YIPF4: variants seen among roughly 807,000 people sequenced by gnomAD.
The protein encoded by YIPF4 is Yip1 domain family member 4.
YIPF4 carries 18 observed loss-of-function variants against 29.4 expected under a neutral mutation model. The ratio of observed to expected loss-of-function variants is 0.61; its 90% CI spans 0.42 to 0.91. The LOEUF (loss-of-function observed/expected upper bound fraction) is 0.91, where lower values mean the gene tolerates loss of function less well. Among genes scored for constraint, YIPF4 ranks in the 40% least tolerant of loss-of-function variants. The probability of loss-of-function intolerance (pLI) is 0.00; values close to 1 mark genes in which losing one functional copy is unlikely to be tolerated. For missense variants in YIPF4, 279 were observed against 282.7 expected (o/e 0.99, Z 0.09); for synonymous variants, 115 against 104.7 (o/e 1.10, Z -0.60).
intron 1 of YIPF4, among the ~76,000 whole-genome samples, chr2:32,287,824 T>A (rs1280075996): frequency 1.3e-5 from 2 of 152,224 alleles, no homozygotes; most frequent in Non-Finnish European, 2.9e-5. Flanking sequence ...ATAGATTTTT[T>A]AAAAGATTGT....
chr2:32,291,426 C>T (rs1014536936), intron 2 of YIPF4, among the ~76,000 whole-genome samples: 11 of 152,134 alleles, frequency 7.2e-5, no homozygotes, highest in African/African-American at 2.7e-4. Context: ...GGCCTGTAGT[C>T]CCAGCTGCTC....
rs72798734 is a variant in YIPF4 at position 32,291,642 on chromosome 2, G to C, written c.234-535G>C. ...ATTAATTAAACAGAAAAGTGCGTAA[G>C]ACGGCATAAAGCTGGGACATCAAAG... On this transcript the variant is annotated intron_variant, in intron 2 of 5. Coordinates refer to ENST00000238831, the MANE Select transcript of YIPF4 (RefSeq NM_032312.4). Among the ~76,000 whole-genome samples, 1,266 of 152,318 alleles carry C rather than the reference G, an allele frequency of 8.3e-3. 14 individuals carry two copies. Among genetic ancestry groups the C allele is most frequent in the Non-Finnish European group, 0.015 (1,049 of 68,034 alleles).
At position 32,316,342 on chromosome 2, in the gene YIPF4, C is replaced by G. The variant is rs2031832896; in HGVS notation, c.*10716C>G. On this transcript the variant is annotated 3_prime_UTR_variant, in exon 6 of 6. Coordinates refer to ENST00000238831, the MANE Select transcript of YIPF4 (RefSeq NM_032312.4). ...TTCAAGGGGAGGGTAAAAAGACCAA[C>G]TAATATATGTAAAGATGCACAAATT... 6.6e-6 allele frequency: 1 copy of G among 152,088 alleles called. No homozygotes were observed. Among genetic ancestry groups the G allele is most frequent in the Non-Finnish European group, 1.5e-5 (1 of 68,018 alleles). The allele number at this position is 152,088 out of a possible 1,614,324, so 9.4% of individuals were successfully genotyped here.
Position 32,278,176 on chromosome 2 carries a change from C to T in YIPF4, c.21C>T (p.Pro7=), listed in dbSNP as rs748041592. ...GCGAGATGCAGCCTCCGGGCCCGCC[C>T]CCGGCCTATGCCCCCACTAACGGGG... is the stretch of plus-strand genomic sequence containing the variant. MQPPGP[P]PAYAPTNGDF... is the part of the protein sequence containing the mutation. The change falls in exon 1 of 6, where the codon CCC becomes CCT. Residue 7 remains proline (P), a synonymous_variant. Transcript: ENST00000238831. 5.7e-6 allele frequency: 9 copies of T among 1,570,484 alleles called. 1 individual carries two copies. The highest frequency in any genetic ancestry group is 3.5e-5 in the South Asian group (3 of 85,734).
In YIPF4 at chr2:32,278,243, G is replaced by C; in HGVS notation, c.79+9G>C. On this transcript the variant is annotated intron_variant, in intron 1 of 5. Transcript: ENST00000238831. Reference sequence around the variant, plus strand: ...CTCAGCAGACGCGGAAGGTGAGGCTGAGCCCCTGGAAGGGCTATCACCCGG... The same window carrying C: ...CTCAGCAGACGCGGAAGGTGAGGCTCAGCCCCTGGAAGGGCTATCACCCGG... 6.4e-7 allele frequency: 1 copy of C among 1,552,750 alleles called. No individual in the cohort carries two copies. Among genetic ancestry groups the C allele is most frequent in the Non-Finnish European group, 8.7e-7 (1 of 1,148,912 alleles).
intron 1 of YIPF4, among the ~76,000 whole-genome samples, chr2:32,282,464 G>T (rs1250530494): frequency 6.6e-6 from 1 of 152,054 alleles, no homozygotes; most frequent in Non-Finnish European, 1.5e-5. Context: ...ACGGAGTCTC[G>T]CCCTGTCGCC....
At chr2:32,298,362 T>G (rs1200025450) in intron 4 of YIPF4, 51 bp downstream of exon 4, 2 of 1,356,536 alleles carry the variant, frequency 1.5e-6, no homozygotes, top group East Asian at 2.3e-5. Flanking sequence ...TGAGCTTAGT[T>G]TTTGATACTG....
In YIPF4 at chr2:32,292,573, G is replaced by C. The variant is rs1478758950; in HGVS notation, c.405+225G>C. Among the ~76,000 whole-genome samples the C allele has an allele frequency of 5.3e-5, 8 of 152,154 alleles. No homozygotes were observed. The East Asian group carries it at 1.5e-3, about 29-fold the overall frequency. On this transcript the variant is annotated intron_variant, in intron 3 of 5. Coordinates refer to ENST00000238831, the MANE Select transcript of YIPF4 (RefSeq NM_032312.4). Reference sequence around the variant, plus strand: ...ATCATGATTCACATAGAAAGTATTAGTATTTGTGGGCGGGTGTGGTGGCTC... The same window carrying C: ...ATCATGATTCACATAGAAAGTATTACTATTTGTGGGCGGGTGTGGTGGCTC...
At chr2:32,305,388 T>C in intron 5 of YIPF4, 101 bp from the exon 6 acceptor site, 1 of 1,322,352 alleles carries the variant, frequency 7.6e-7, no homozygotes. Context: ...TGGTTGTTGA[T>C]TTTTTAAAAA....
At chr2:32,298,860 A>AATTT (rs1275754603) in intron 4 of YIPF4, among the ~76,000 whole-genome samples, 2 of 151,196 alleles carry the variant, frequency 1.3e-5, no homozygotes, top group Admixed American at 1.3e-4. Flanking sequence ...GCCCAGACAA[A>AATTT]ATTTATTTAT....
At chr2:32,280,849 G>T (rs1393733189) in intron 1 of YIPF4, among the ~76,000 whole-genome samples, 1 of 152,066 alleles carries the variant, frequency 6.6e-6, no homozygotes. Flanking sequence ...ATCTACATTT[G>T]GTAGCATGGT....
In YIPF4 at chr2:32,315,431, A is replaced by C. The variant is rs1356051850; in HGVS notation, c.*9805A>C. On this transcript the variant is annotated 3_prime_UTR_variant, in exon 6 of 6. Coordinates refer to ENST00000238831, the MANE Select transcript of YIPF4 (RefSeq NM_032312.4). ...AGGTAGGTAAATGGCAATGTCTGAC[A>C]AAGACATGGTAGGCCAGTCTGAAAA... The C allele has an allele frequency of 6.6e-6, 1 of 152,288 alleles. No homozygotes were observed. Among genetic ancestry groups the C allele is most frequent in the Non-Finnish European group, 1.5e-5 (1 of 68,082 alleles). 9.4% of individuals were successfully genotyped at this position (152,288 alleles called of 1,614,324 possible).
At chr2:32,293,516 C>T (rs566936654) in intron 3 of YIPF4, among the ~76,000 whole-genome samples, 18 of 152,350 alleles carry the variant, frequency 1.2e-4, no homozygotes, top group South Asian at 4.1e-4. Context: ...GGCAACCATC[C>T]GATTTCTCAA....
intron 2 of YIPF4, among the ~76,000 whole-genome samples, chr2:32,291,254 G>T (rs548580683): frequency 6.6e-6 from 1 of 152,172 alleles, no homozygotes; most frequent in Non-Finnish European, 1.5e-5. Flanking sequence ...CCATATATCG[G>T]CCAGGCATAG....
Position 32,292,410 on chromosome 2 carries a change from A to G in YIPF4, c.405+62A>G, listed in dbSNP as rs1272813941. ...TTGAGAGTTTCAAAAATTAAATATA[A>G]TAAGATATTAACTGTAATATACCAT... On this transcript the variant is annotated intron_variant, in intron 3 of 5. Transcript: ENST00000238831. 4 of 1,230,538 alleles carry G rather than the reference A, an allele frequency of 3.3e-6. No individual in the cohort carries two copies. In the East Asian group the frequency reaches 1.1e-4, roughly 34 times the overall value. 76.2% of individuals were successfully genotyped at this position (1,230,538 alleles called of 1,614,324 possible).
rs201901585 is a variant in YIPF4 at position 32,305,996 on chromosome 2, AT to A, written c.*377del. ...CAATATCTTGATAATCAAAAGTGCAATTTTTTTCTTCAAAATGTTTTCTCCA... is the reference window on the plus strand; with the variant it reads ...CAATATCTTGATAATCAAAAGTGCAATTTTTTCTTCAAAATGTTTTCTCCA... On this transcript the variant is annotated 3_prime_UTR_variant, in exon 6 of 6. Coordinates refer to ENST00000238831, the MANE Select transcript of YIPF4 (RefSeq NM_032312.4). 3.0e-6 allele frequency: 3 copies of A among 985,130 alleles called. No individual in the cohort carries two copies. Among genetic ancestry groups the A allele is most frequent in the East Asian group, 1.1e-4 (1 of 8,854 alleles). The allele number at this position is 985,130 out of a possible 1,614,324, so 61.0% of individuals were successfully genotyped here. A position where few individuals can be genotyped will look rare whatever the true frequency, so the allele number is the denominator to read the frequency against.
intron 1 of YIPF4, among the ~76,000 whole-genome samples, chr2:32,285,248 A>G (rs1364356386): frequency 6.6e-6 from 1 of 152,190 alleles, no homozygotes; most frequent in Non-Finnish European, 1.5e-5. Flanking sequence ...CTAGCTTACA[A>G]TGCTGGATAG....
In YIPF4 at chr2:32,309,289, G is replaced by T. The variant is rs1367608526; in HGVS notation, c.*3663G>T. 18 of 152,060 alleles carry T rather than the reference G, an allele frequency of 1.2e-4. No individual in the cohort carries two copies. The highest frequency in any genetic ancestry group is 1.2e-3 in the Admixed American group (18 of 15,254). 9.4% of individuals were successfully genotyped at this position (152,060 alleles called of 1,614,324 possible). A position where few individuals can be genotyped will look rare whatever the true frequency, so the allele number is the denominator to read the frequency against. Reference sequence around the variant, plus strand: ...GCCGATGTGACACTTTAAAGGAAATGTTCATTGGAGCATTTTGCATTTCAG... The same window carrying T: ...GCCGATGTGACACTTTAAAGGAAATTTTCATTGGAGCATTTTGCATTTCAG... On this transcript the variant is annotated 3_prime_UTR_variant, in exon 6 of 6. Coordinates refer to ENST00000238831, the MANE Select transcript of YIPF4 (RefSeq NM_032312.4).
In YIPF4 at chr2:32,305,705, A is replaced by C; in HGVS notation, c.*79A>C. 6 of 1,325,668 alleles carry C rather than the reference A, an allele frequency of 4.5e-6. No individual in the cohort carries two copies. Among genetic ancestry groups the C allele is most frequent in the Non-Finnish European group, 5.8e-6 (6 of 1,035,122 alleles). 82.1% of individuals were successfully genotyped at this position (1,325,668 alleles called of 1,614,324 possible). A position where few individuals can be genotyped will look rare whatever the true frequency, so the allele number is the denominator to read the frequency against. On this transcript the variant is annotated 3_prime_UTR_variant, in exon 6 of 6. Coordinates refer to ENST00000238831, the MANE Select transcript of YIPF4 (RefSeq NM_032312.4). Reference sequence around the variant, plus strand: ...GAATTCTTGCTGAAGGAATTGGAGAAAACCTGTTGCTGCAAAATTTTACAT... The same window carrying C: ...GAATTCTTGCTGAAGGAATTGGAGACAACCTGTTGCTGCAAAATTTTACAT...
Sources: gnomAD v4.1 joint callset for allele counts (sites outside exome capture counted in the v4.1 genomes callset) on GRCh38, gnomAD v4.1.1 for gene constraint, MANE v1.5 for transcripts, NCBI Gene and HGNC (gene_info 2026-07-23, HGNC 2026-07-21) for gene names.